The following STS variants were observed in gnomAD, a reference collection of about 807,000 sequenced individuals.
STS encodes steroid sulfatase.
STS carries 7 observed loss-of-function variants against 26.8 expected under a neutral mutation model. The observed-to-expected ratio is 0.26, with a 90% confidence interval of 0.15 to 0.49. STS has a LOEUF of 0.49. STS is among the 20% of genes least tolerant of loss of function. The probability of loss-of-function intolerance (pLI) is 0.98; values close to 1 mark genes in which losing one functional copy is unlikely to be tolerated. For missense variants in STS, 434 were observed against 465.6 expected, an observed-to-expected ratio of 0.93 and a Z score of 0.63; for synonymous variants, 199 against 189.4, an observed-to-expected ratio of 1.05 and a Z score of -0.42.
intron 10 of STS, among the ~76,000 whole-genome samples, chrX:7,345,270 C>A (rs1928476812): frequency 9.0e-6 from 1 of 111,709 alleles, no homozygotes; most frequent in East Asian, 2.8e-4. Context: ...ATTGCCCAGA[C>A]CAACTCAAAA....
chrX:7,194,246 CGTT>C (rs61107268), intron 2 of STS, among the ~76,000 whole-genome samples: 3,936 of 111,182 alleles, frequency 0.035, 146 homozygotes, highest in African/African-American at 0.12. Flanking sequence ...TCAAAACTGT[CGTT>C]GTGTGCCGAG....
At chrX:7,171,591 G>T (rs1489198899) in intron 1 of STS, among the ~76,000 whole-genome samples, 1 of 111,821 alleles carries the variant, frequency 8.9e-6, no homozygotes, top group Non-Finnish European at 1.9e-5. Flanking sequence ...AAACACAATT[G>T]CACCCAGCCG....
intron 2 of STS, among the ~76,000 whole-genome samples, chrX:7,252,072 C>G (rs1307917365): frequency 9.0e-6 from 1 of 110,825 alleles, no homozygotes; most frequent in East Asian, 2.8e-4. Flanking sequence ...TGATTAACAC[C>G]TACCCCTGAC....
At chrX:7,293,595 C>A (rs975837303) in intron 7 of STS, among the ~76,000 whole-genome samples, 6 of 110,470 alleles carry the variant, frequency 5.4e-5, no homozygotes, top group African/African-American at 1.6e-4. Context: ...TTTTTTTCTT[C>A]CATCATCCTA....
chrX:7,282,116 C>A (rs1292897997), intron 7 of STS, among the ~76,000 whole-genome samples: 3 of 112,580 alleles, frequency 2.7e-5, no homozygotes, highest in Non-Finnish European at 5.6e-5. Flanking sequence ...AGCTTGTATA[C>A]CATATTGAGG....
intron 1 of STS, among the ~76,000 whole-genome samples, chrX:7,155,984 A>G (rs769633633): frequency 9.1e-6 from 1 of 110,241 alleles, no homozygotes; most frequent in Non-Finnish European, 1.9e-5. Context: ...CCCCATCTCT[A>G]CAAAAAAAAT....
Position 7,350,457 on chromosome X carries a change from G to A in STS, c.*196G>A. On this transcript the variant is annotated 3_prime_UTR_variant, in exon 11 of 11. Transcript: ENST00000674429. ...AGGGGTGAGGGGGATAAGGTCTGTAGTATACAGACAGGAAGATGGTAGGTT... is the reference window on the plus strand; with the variant it reads ...AGGGGTGAGGGGGATAAGGTCTGTAATATACAGACAGGAAGATGGTAGGTT... 2 of 510,466 alleles carry A rather than the reference G, an allele frequency of 3.9e-6. No homozygotes were observed. The highest frequency in any genetic ancestry group is 6.3e-6 in the Non-Finnish European group (2 of 315,509). The allele number at this position is 510,466 out of a possible 1,213,427, so 42.1% of individuals were successfully genotyped here.
At chrX:7,179,911 G>A (rs1933648896) in intron 1 of STS, among the ~76,000 whole-genome samples, 1 of 112,191 alleles carries the variant, frequency 8.9e-6, no homozygotes, top group African/African-American at 3.2e-5. Context: ...TAAGGGAGCA[G>A]AGCTTTAATG....
chrX:7,283,390 C>T (rs1437869556), intron 7 of STS, among the ~76,000 whole-genome samples: 2 of 111,939 alleles, frequency 1.8e-5, no homozygotes, highest in East Asian at 2.8e-4. Flanking sequence ...CCAACGAGTA[C>T]TTCAGAGACA....
intron 8 of STS, among the ~76,000 whole-genome samples, chrX:7,324,038 C>G (rs1163197894): frequency 9.0e-6 from 1 of 111,661 alleles, no homozygotes; most frequent in African/African-American, 3.3e-5. Flanking sequence ...CCCGGGAGAT[C>G]CTAAGAATAT....
intron 2 of STS, among the ~76,000 whole-genome samples, chrX:7,220,355 G>A (rs1488881255): frequency 9.1e-6 from 1 of 110,390 alleles, no homozygotes; most frequent in African/African-American, 3.3e-5. Flanking sequence ...TGATCATTTC[G>A]TGGTCTGGCA....
At chrX:7,246,180 T>A (rs1411705413) in intron 2 of STS, among the ~76,000 whole-genome samples, 1 of 110,912 alleles carries the variant, frequency 9.0e-6, no homozygotes, top group Non-Finnish European at 1.9e-5. Context: ...AGCCTAGCCG[T>A]AAAAAAACCC....
chrX:7,308,708 C>T (rs930817475), intron 8 of STS, among the ~76,000 whole-genome samples: 5 of 111,733 alleles, frequency 4.5e-5, no homozygotes, highest in East Asian at 2.8e-4. Context: ...TCTCAGCCAC[C>T]GCTCTATTGC....
intron 1 of STS, among the ~76,000 whole-genome samples, chrX:7,186,324 T>C (rs1933771524): frequency 8.9e-6 from 1 of 112,210 alleles, no homozygotes; most frequent in African/African-American, 3.2e-5. Context: ...AACCAGTCCA[T>C]GGAGAGTGAC....
chrX:7,283,419 G>A (rs1924971743), intron 7 of STS, among the ~76,000 whole-genome samples: 1 of 111,904 alleles, frequency 8.9e-6, no homozygotes. Context: ...GGCTGAAAAG[G>A]GACAAGTGAA....
At chrX:7,339,569 C>T (rs1304797433) in intron 10 of STS, among the ~76,000 whole-genome samples, 1 of 112,223 alleles carries the variant, frequency 8.9e-6, no homozygotes, top group African/African-American at 3.2e-5. Flanking sequence ...GTACAAGGTA[C>T]AACATTTGTA....
At chrX:7,264,962 G>A (rs1457777323) in intron 6 of STS, among the ~76,000 whole-genome samples, 1 of 109,981 alleles carries the variant, frequency 9.1e-6, no homozygotes, top group African/African-American at 3.3e-5. Flanking sequence ...AAAAGCTTAT[G>A]GAAATGATCT....
At chrX:7,254,847 T>C (rs1386062207) in intron 3 of STS, among the ~76,000 whole-genome samples, 1 of 111,027 alleles carries the variant, frequency 9.0e-6, no homozygotes, top group Non-Finnish European at 1.9e-5. Context: ...CCTCCCAAAG[T>C]GCTGGGGTTA....
chrX:7,323,819 C>G (rs1365571823), intron 8 of STS, among the ~76,000 whole-genome samples: 2 of 111,609 alleles, frequency 1.8e-5, no homozygotes, highest in Non-Finnish European at 3.8e-5. Flanking sequence ...CTTGCCTTAT[C>G]CAACTTCTAG....
Sources: gnomAD v4.1 joint callset for allele counts (sites outside exome capture counted in the v4.1 genomes callset) on GRCh38, gnomAD v4.1.1 for gene constraint, MANE v1.5 for transcripts, NCBI Gene and HGNC (gene_info 2026-07-23, HGNC 2026-07-21) for gene names.